IQCH: variants seen among roughly 807,000 people sequenced by gnomAD.
IQCH encodes IQ motif containing H.
A neutral mutation model predicts 117.0 loss-of-function variants in IQCH; 98 were observed. The ratio of observed to expected loss-of-function variants is 0.84; its 90% CI spans 0.71 to 0.99. The LOEUF is 0.99. Ranked by LOEUF, IQCH falls within the 50% of genes least tolerant of loss-of-function variation. The probability of loss-of-function intolerance (pLI) is 0.00; values close to 1 mark genes in which losing one functional copy is unlikely to be tolerated. For synonymous variants in IQCH, 412 were observed against 448.2 expected, an observed-to-expected ratio of 0.92 and a Z score of 1.02; for missense variants, 1,102 against 1,243.8, an observed-to-expected ratio of 0.89 and a Z score of 1.72.
Position 67,395,269 on chromosome 15 carries a change from GA to G in IQCH, c.1633-20del. 1.2e-6 allele frequency: 2 copies of G among 1,602,904 alleles called. No individual in the cohort carries two copies. The highest frequency in any genetic ancestry group is 1.7e-6 in the Non-Finnish European group (2 of 1,173,580). ...TAGAAAAAAGGACACCTTTTAACAA[GA>G]ATAATATGATCTTCCCCCAGAAGCA... On this transcript the variant is annotated intron_variant, in intron 12 of 20. Coordinates refer to ENST00000335894, the MANE Select transcript of IQCH (RefSeq NM_001031715.3). The surrounding 1 kb of genome is among the most constrained non-coding windows in gnomAD (Gnocchi z 4.0).
At chr15:67,291,036 T>C (rs779614672) in intron 4 of IQCH, among the ~76,000 whole-genome samples, 6 of 152,172 alleles carry the variant, frequency 3.9e-5, no homozygotes, top group Non-Finnish European at 2.9e-5. Context: ...GAATCCACTC[T>C]GGAAAACACT....
rs189840166 is a variant in IQCH, at chr15:67,305,361, T to C, written c.387+25849T>C. Among the ~76,000 whole-genome samples the C allele has an allele frequency of 2.5e-3, 380 of 152,258 alleles. 2 individuals carry two copies. Among genetic ancestry groups the C allele is most frequent in the Admixed American group, 5.2e-3 (80 of 15,278 alleles). ...TTCATTCGTGTAACCCTGAAATATA[T>C]TTTCAGTTTCTTTATATGTGCTTTA... On this transcript the variant is annotated intron_variant, in intron 4 of 20. Transcript: ENST00000335894.
intron 4 of IQCH, among the ~76,000 whole-genome samples, chr15:67,319,016 A>G (rs1967984743): frequency 6.6e-6 from 1 of 152,192 alleles, no homozygotes; most frequent in Admixed American, 6.5e-5. Context: ...TCACGAGGTC[A>G]GGAGCTCGAG....
At chr15:67,362,352 T>A (rs1970172680) in intron 8 of IQCH, among the ~76,000 whole-genome samples, 1 of 152,166 alleles carries the variant, frequency 6.6e-6, no homozygotes, top group Non-Finnish European at 1.5e-5. Context: ...TCCTAAGCCA[T>A]CCTTGTGTTG....
chr15:67,415,299 A>T (rs565013668), intron 14 of IQCH, among the ~76,000 whole-genome samples: 2 of 152,220 alleles, frequency 1.3e-5, no homozygotes, highest in Non-Finnish European at 2.9e-5. Context: ...TTGTCTCTGC[A>T]TCACAAGACA....
rs779108693 is a variant in IQCH, at chr15:67,386,901, A to C, written c.1456+1882A>C. ...TAGTGATACGTATTCCTTTGCCAGA[A>C]ATTAACAGGAAAGGTGAAATTGGCA... On this transcript the variant is annotated intron_variant, in intron 11 of 20. Coordinates refer to ENST00000335894, the MANE Select transcript of IQCH (RefSeq NM_001031715.3). The surrounding 1 kb of genome is among the most constrained non-coding windows in gnomAD (Gnocchi z 5.0). 1.3e-5 allele frequency among the ~76,000 whole-genome samples: 2 copies of C among 152,208 alleles called. No homozygotes were observed. The highest frequency in any genetic ancestry group is 2.9e-5 in the Non-Finnish European group (2 of 68,028).
chr15:67,333,456 C>T (rs1968756358), intron 4 of IQCH, among the ~76,000 whole-genome samples: 1 of 152,140 alleles, frequency 6.6e-6, no homozygotes. Flanking sequence ...CTTTTTTCCT[C>T]ATGTAAAATT....
chr15:67,333,277 C>T (rs1435291049), intron 4 of IQCH, among the ~76,000 whole-genome samples: 2 of 152,208 alleles, frequency 1.3e-5, no homozygotes, highest in African/African-American at 4.8e-5. Flanking sequence ...CTGCTTTTAA[C>T]TACAAAACAA....
rs780366953 is a variant in IQCH at position 67,359,782 on chromosome 15, T to G, written c.715-65T>G. 1.8e-5 allele frequency: 25 copies of G among 1,397,026 alleles called. No individual in the cohort carries two copies. Among genetic ancestry groups the G allele is most frequent in the Admixed American group, 5.0e-5 (3 of 59,688 alleles). 86.5% of individuals were successfully genotyped at this position (1,397,026 alleles called of 1,614,324 possible). A position where few individuals can be genotyped will look rare whatever the true frequency, so the allele number is the denominator to read the frequency against. ...AGGGGGTGAGGCTCTGAGCCTTCTA[T>G]TTGTTTTGTAAAATTGCCCATGAGA... On this transcript the variant is annotated intron_variant, in intron 7 of 20. Transcript: ENST00000335894. The surrounding 1 kb of genome is among the most constrained non-coding windows in gnomAD (Gnocchi z 4.5).
intron 4 of IQCH, among the ~76,000 whole-genome samples, chr15:67,319,013 G>T (rs1362826459): frequency 6.6e-6 from 1 of 152,178 alleles, no homozygotes; most frequent in South Asian, 2.1e-4. Context: ...GTATCACGAG[G>T]TCAGGAGCTC....
intron 4 of IQCH, among the ~76,000 whole-genome samples, chr15:67,309,469 T>G (rs1567084966): frequency 6.6e-6 from 1 of 152,094 alleles, no homozygotes; most frequent in Non-Finnish European, 1.5e-5. Flanking sequence ...ACATATTAGG[T>G]ATTAAGGACA....
At chr15:67,330,344 A>C (rs1370924274) in intron 4 of IQCH, among the ~76,000 whole-genome samples, 1 of 152,250 alleles carries the variant, frequency 6.6e-6, no homozygotes, top group Non-Finnish European at 1.5e-5. Context: ...ATTTTACAGA[A>C]GATAAAACTG....
intron 16 of IQCH, among the ~76,000 whole-genome samples, chr15:67,437,512 A>G (rs1264861498): frequency 1.3e-5 from 2 of 152,180 alleles, no homozygotes; most frequent in Admixed American, 6.5e-5. Context: ...CAACACCCCT[A>G]AAAAATCACA....
At chr15:67,440,292 GAGA>G (rs1363839952) in intron 16 of IQCH, among the ~76,000 whole-genome samples, 1 of 152,150 alleles carries the variant, frequency 6.6e-6, no homozygotes, top group East Asian at 1.9e-4. Context: ...CAGACATTCA[GAGA>G]AGAATTGGTA....
chr15:67,359,878 A>T lies in IQCH; in HGVS notation c.746A>T (p.Asp249Val). Residue 249 changes from aspartate (D) to valine (V), a missense_variant, in exon 8 of 21, where the codon GAT becomes GTT. By Grantham distance (152) the Asp-to-Val change is radical. This residue lies in a region of IQCH where 452 missense variants were observed against 449.6 expected (regional missense o/e 1.01). Coordinates refer to ENST00000335894, the MANE Select transcript of IQCH (RefSeq NM_001031715.3). The surrounding 1 kb of genome is among the most constrained non-coding windows in gnomAD (Gnocchi z 4.5). ...AGCAGAAGGTCAAGAGGACATCATG[A>T]TAGGAAGGTCTGTAATTTGTGTGAC... ...GKSRRSRGHH[D>V]RKAMKVKTPL... The T allele has an allele frequency of 6.2e-7, 1 of 1,612,840 alleles. No homozygotes were observed. The highest frequency in any genetic ancestry group is 8.5e-7 in the Non-Finnish European group (1 of 1,178,834).
At chr15:67,276,540 T>C (rs2140466243) in intron 3 of IQCH, among the ~76,000 whole-genome samples, 1 of 152,368 alleles carries the variant, frequency 6.6e-6, no homozygotes, top group East Asian at 1.9e-4. Context: ...CAACAAATTC[T>C]CTTAGTTGTT....
Position 67,432,949 on chromosome 15 carries a change from A to G in IQCH, c.2505+11372A>G, listed in dbSNP as rs1410327615. Among the ~76,000 whole-genome samples the G allele has an allele frequency of 6.6e-6, 1 of 152,262 alleles. No homozygotes were observed. The highest frequency in any genetic ancestry group is 6.5e-5 in the Admixed American group (1 of 15,286). ...TTCAAGATATACAAGGTATTCACCA[A>G]GGAAGCTCAATGAGATTTACTTTTT... On this transcript the variant is annotated intron_variant, in intron 16 of 20. Coordinates refer to ENST00000335894, the MANE Select transcript of IQCH (RefSeq NM_001031715.3). The surrounding 1 kb of genome is among the most constrained non-coding windows in gnomAD (Gnocchi z 5.0).
chr15:67,473,581 A>G lies in IQCH; in HGVS notation c.2677-2115A>G, dbSNP rs185175848. On this transcript the variant is annotated intron_variant, in intron 17 of 20. Coordinates refer to ENST00000335894, the MANE Select transcript of IQCH (RefSeq NM_001031715.3). This position sits in a 1 kb window ranked among gnomAD's most constrained non-coding sequence, Gnocchi z 4.9. ...CATACTTTGAAGAGTCTCTTAAGTC[A>G]GAGGGAAGAGCTATCCACCTAATCT... 6.6e-5 allele frequency among the ~76,000 whole-genome samples: 10 copies of G among 152,370 alleles called. No individual in the cohort carries two copies.
Position 67,494,245 on chromosome 15 carries a change from A to G in IQCH, c.2862-13A>G. On this transcript the variant is annotated splice_polypyrimidine_tract_variant and intron_variant, in intron 19 of 20. Coordinates refer to ENST00000335894, the MANE Select transcript of IQCH (RefSeq NM_001031715.3). The surrounding 1 kb of genome is among the most constrained non-coding windows in gnomAD (Gnocchi z 5.5). ...ATCGTTGGTAAACTCATTTGTTTGG[A>G]TATCATTAACAGAACAATCGGCGAG... is the stretch of plus-strand genomic sequence containing the variant. 2.5e-6 allele frequency: 4 copies of G among 1,587,600 alleles called. No homozygotes were observed. Among genetic ancestry groups the G allele is most frequent in the Non-Finnish European group, 3.4e-6 (4 of 1,166,582 alleles).
Sources: gnomAD v4.1 joint callset for allele counts (sites outside exome capture counted in the v4.1 genomes callset) on GRCh38, gnomAD v4.1.1 for gene constraint, gnomAD v4.1.1 regional missense constraint, Gnocchi (gnomAD v3.1) non-coding constraint, MANE v1.5 for transcripts, NCBI Gene and HGNC (gene_info 2026-07-23, HGNC 2026-07-21) for gene names.